The following WDR70 variants were observed in gnomAD, a reference collection of about 807,000 sequenced individuals.
WDR70 encodes WD repeat-containing protein 70.
WDR70 carries 53 observed loss-of-function variants against 88.6 expected under a neutral mutation model. The ratio of observed to expected loss-of-function variants is 0.60; its 90% CI spans 0.48 to 0.75. WDR70 has a LOEUF of 0.75. Ranked by LOEUF, WDR70 falls within the 30% of genes least tolerant of loss-of-function variation. WDR70 has a pLI of 0.00. For synonymous variants in WDR70, 280 were observed against 270.0 expected, an observed-to-expected ratio of 1.04 and a Z score of -0.36; for missense variants, 610 against 823.2, an observed-to-expected ratio of 0.74 and a Z score of 3.17.
chr5:37,704,914 A>C (rs746698227), intron 13 of WDR70, among the ~76,000 whole-genome samples: 2 of 151,636 alleles, frequency 1.3e-5, no homozygotes, highest in Non-Finnish European at 2.9e-5. Flanking sequence ...AGGAAGACAC[A>C]TTCAGATCTA....
chr5:37,450,968 G>A lies in WDR70; in HGVS notation c.686+7596G>A, dbSNP rs549287848. 6.6e-5 allele frequency among the ~76,000 whole-genome samples: 10 copies of A among 152,084 alleles called. 1 individual carries two copies. The highest frequency in any genetic ancestry group is 1.9e-4 in the African/African-American group (8 of 41,478). The stretch of plus-strand genomic sequence containing the variant: ...GGCTGGAGTGCAATGGCGTGATCTC[G>A]GCTCACCGCAACCTCCACCTCCTGG... On this transcript the variant is annotated intron_variant, in intron 7 of 17. Coordinates refer to ENST00000265107, the MANE Select transcript of WDR70 (RefSeq NM_018034.4).
At chr5:37,448,868 G>A (rs1174867735) in intron 7 of WDR70, among the ~76,000 whole-genome samples, 8 of 152,058 alleles carry the variant, frequency 5.3e-5, no homozygotes, top group African/African-American at 1.2e-4. Context: ...GGTATTGGTC[G>A]GGTGTTTTGT....
intron 9 of WDR70, among the ~76,000 whole-genome samples, chr5:37,591,955 C>T (rs1743542615): frequency 6.6e-6 from 1 of 152,082 alleles, no homozygotes; most frequent in Non-Finnish European, 1.5e-5. Flanking sequence ...GTAAAATAAG[C>T]ATTTGAAAAA....
intron 8 of WDR70, among the ~76,000 whole-genome samples, chr5:37,490,463 G>C (rs1740033872): frequency 6.6e-6 from 1 of 152,162 alleles, no homozygotes; most frequent in Admixed American, 6.5e-5. Context: ...GAGAGCACAT[G>C]CTTTGTCTCC....
intron 10 of WDR70, among the ~76,000 whole-genome samples, chr5:37,606,723 G>A (rs1744038879): frequency 1.3e-5 from 2 of 152,084 alleles, no homozygotes; most frequent in Non-Finnish European, 2.9e-5. Flanking sequence ...ATAAATGAAT[G>A]TAAGTTTATT....
At chr5:37,630,406 G>C (rs992331385) in intron 10 of WDR70, among the ~76,000 whole-genome samples, 1 of 152,152 alleles carries the variant, frequency 6.6e-6, no homozygotes, top group Admixed American at 6.5e-5. Flanking sequence ...GGATGTGAGG[G>C]GGTTGGGCAG....
chr5:37,603,503 C>T (rs577394433), intron 9 of WDR70, among the ~76,000 whole-genome samples: 5 of 152,170 alleles, frequency 3.3e-5, no homozygotes, highest in East Asian at 1.9e-4. Context: ...AACTGTAAAA[C>T]GACTAGAAGA....
chr5:37,596,966 G>A (rs2112460222), intron 9 of WDR70, among the ~76,000 whole-genome samples: 1 of 152,208 alleles, frequency 6.6e-6, no homozygotes, highest in Non-Finnish European at 1.5e-5. Context: ...TATATCGTGT[G>A]TAGTCTTTTG....
At chr5:37,648,963 A>T (rs1321701207) in intron 10 of WDR70, among the ~76,000 whole-genome samples, 1 of 152,188 alleles carries the variant, frequency 6.6e-6, no homozygotes, top group African/African-American at 2.4e-5. Flanking sequence ...TTTCAAAATG[A>T]TCTTTAGAAA....
At chr5:37,468,141 G>A (rs1257252057) in intron 7 of WDR70, among the ~76,000 whole-genome samples, 1 of 152,152 alleles carries the variant, frequency 6.6e-6, no homozygotes, top group African/African-American at 2.4e-5. Flanking sequence ...GAGCCACTGC[G>A]CCCGGCCTAT....
chr5:37,547,539 G>T (rs774049358), intron 9 of WDR70, among the ~76,000 whole-genome samples: 13 of 151,592 alleles, frequency 8.6e-5, no homozygotes, highest in Non-Finnish European at 7.4e-5. Context: ...ATATTTATGG[G>T]GTACATGAGA....
At chr5:37,622,410 A>G (rs1744532778) in intron 10 of WDR70, among the ~76,000 whole-genome samples, 1 of 152,026 alleles carries the variant, frequency 6.6e-6, no homozygotes, top group Admixed American at 6.6e-5. Context: ...CCAAAGGATT[A>G]TAAATCATGC....
intron 8 of WDR70, among the ~76,000 whole-genome samples, chr5:37,496,328 G>A (rs1352339412): frequency 6.6e-6 from 1 of 152,170 alleles, no homozygotes; most frequent in African/African-American, 2.4e-5. Flanking sequence ...TGCTCACTCT[G>A]GGTCCGCACT....
intron 7 of WDR70, among the ~76,000 whole-genome samples, chr5:37,461,139 A>G (rs988152309): frequency 6.6e-6 from 1 of 151,104 alleles, no homozygotes; most frequent in Non-Finnish European, 1.5e-5. Context: ...AGGGTTGTGA[A>G]ACAAACCCCA....
intron 7 of WDR70, among the ~76,000 whole-genome samples, chr5:37,474,023 C>T (rs10941337): frequency 0.41 from 62,130 of 151,896 alleles, 15,118 homozygotes; most frequent in Non-Finnish European, 0.54. Context: ...AGTTCTAATT[C>T]ATTATATTTT....
chr5:37,488,250 T>G (rs1439627779), intron 8 of WDR70, among the ~76,000 whole-genome samples: 3 of 151,950 alleles, frequency 2.0e-5, no homozygotes, highest in African/African-American at 7.2e-5. Flanking sequence ...CTTTGACTTT[T>G]GACAATCTGA....
Position 37,468,412 on chromosome 5 carries a change from A to G in WDR70, c.687-11422A>G, listed in dbSNP as rs1345039413. Among the ~76,000 whole-genome samples, 5 of 152,310 alleles carry G rather than the reference A, an allele frequency of 3.3e-5. No homozygotes were observed. The South Asian group carries it at 1.0e-3, about 32-fold the overall frequency. On this transcript the variant is annotated intron_variant, in intron 7 of 17. Coordinates refer to ENST00000265107, the MANE Select transcript of WDR70 (RefSeq NM_018034.4). Reference sequence around the variant, plus strand: ...TTCAGATTATATATATTCCTACCACATGGAGATAATTACAGCTTTAAAAAA... The same window carrying G: ...TTCAGATTATATATATTCCTACCACGTGGAGATAATTACAGCTTTAAAAAA...
chr5:37,559,076 G>A (rs758299852), intron 9 of WDR70, among the ~76,000 whole-genome samples: 7 of 152,008 alleles, frequency 4.6e-5, no homozygotes, highest in African/African-American at 7.3e-5. Flanking sequence ...TGGGATTACC[G>A]GTGCCCGCCA....
At chr5:37,383,018 TAAA>T (rs1748480872) in intron 3 of WDR70, among the ~76,000 whole-genome samples, 1 of 144,202 alleles carries the variant, frequency 6.9e-6, no homozygotes, top group African/African-American at 2.6e-5. Flanking sequence ...CATCTCAAAA[TAAA>T]AAAAATAAAA....
Sources: allele counts gnomAD v4.1 joint callset (sites outside exome capture counted in the v4.1 genomes callset), GRCh38; gene constraint gnomAD v4.1.1; transcripts MANE v1.5; gene names NCBI Gene and HGNC (gene_info 2026-07-23, HGNC 2026-07-21).